MFN1: variants seen among roughly 807,000 people sequenced by gnomAD.
The protein encoded by MFN1 is mitofusin-1.
In MFN1, 65 loss-of-function variants were observed where a neutral mutation model predicts 92.4. That is an observed-to-expected ratio of 0.70 (90% confidence interval 0.58 to 0.86). MFN1 has a LOEUF of 0.86. Among genes scored for constraint, MFN1 ranks in the 40% least tolerant of loss-of-function variants. The pLI is 0.00. For synonymous variants in MFN1, 297 were observed against 300.9 expected, an observed-to-expected ratio of 0.99 and a Z score of 0.13; for missense variants, 781 against 868.0, an observed-to-expected ratio of 0.90 and a Z score of 1.26.
At chr3:179,367,818 G>A (rs1019406427) in intron 8 of MFN1, among the ~76,000 whole-genome samples, 1 of 151,642 alleles carries the variant, frequency 6.6e-6, no homozygotes, top group Admixed American at 6.6e-5. Flanking sequence ...AGCTTCTTGG[G>A]GGGCTGAGGC....
chr3:179,365,723 C>G (rs1277926089), intron 7 of MFN1, among the ~76,000 whole-genome samples: 1 of 152,164 alleles, frequency 6.6e-6, no homozygotes, highest in Non-Finnish European at 1.5e-5. Context: ...ACTTCTGACC[C>G]CCTAAATTAA....
At chr3:179,358,657 A>AT (rs1255190202) in intron 3 of MFN1, among the ~76,000 whole-genome samples, 183 bp from the exon 4 acceptor site, 2 of 152,148 alleles carry the variant, frequency 1.3e-5, no homozygotes, top group Non-Finnish European at 2.9e-5. Context: ...CTTGCACTTT[A>AT]TTTTTTCTGA....
At chr3:179,373,641 A>G (rs1713106701) in intron 9 of MFN1, among the ~76,000 whole-genome samples, 1 of 152,104 alleles carries the variant, frequency 6.6e-6, no homozygotes, top group Admixed American at 6.5e-5. Flanking sequence ...AAAATGAAAT[A>G]AGACAAATTG....
chr3:179,380,761 T>G (rs1334774738), intron 14 of MFN1, among the ~76,000 whole-genome samples: 2 of 152,122 alleles, frequency 1.3e-5, no homozygotes, highest in Non-Finnish European at 2.9e-5. Context: ...CAGAAGGAGT[T>G]TAGAATGAAA....
At chr3:179,374,205 A>G (rs886270727) in intron 9 of MFN1, among the ~76,000 whole-genome samples, 14 of 150,868 alleles carry the variant, frequency 9.3e-5, no homozygotes, top group Non-Finnish European at 2.1e-4. Context: ...TGGGAGGCTA[A>G]AGTAGGAGAA....
At chr3:179,371,839 A>G (rs963034741) in intron 9 of MFN1, among the ~76,000 whole-genome samples, 1 of 151,870 alleles carries the variant, frequency 6.6e-6, no homozygotes, top group Non-Finnish European at 1.5e-5. Context: ...TCTGAATACA[A>G]TTGTTTTGTG....
intron 14 of MFN1, among the ~76,000 whole-genome samples, chr3:179,381,641 A>G (rs1713470923): frequency 1.3e-5 from 2 of 152,254 alleles, no homozygotes; most frequent in Admixed American, 1.3e-4. Context: ...ATGCCAAACA[A>G]CCATAGAGTG....
chr3:179,390,058 A>T lies in MFN1; in HGVS notation c.2067A>T (p.Lys689Asn). Residue 689 changes from lysine to asparagine, a missense_variant, in exon 17 of 18, where the codon AAA (lysine) becomes AAT (asparagine). Lys to Asn is a moderately conservative substitution (Grantham distance 94). Coordinates refer to ENST00000471841, the MANE Select transcript of MFN1 (RefSeq NM_033540.3). ...RLCQQVDITQ[K>N]QLEEEIARLP... Reference sequence around the variant, plus strand: ...GCCAACAAGTTGATATTACTCAAAAACAGCTGGAAGAAGAAATTGCTAGAT... The same window carrying T: ...GCCAACAAGTTGATATTACTCAAAATCAGCTGGAAGAAGAAATTGCTAGAT... The T allele has an allele frequency of 6.9e-6, 11 of 1,605,796 alleles. No individual in the cohort carries two copies. Among genetic ancestry groups the T allele is most frequent in the Non-Finnish European group, 7.6e-6 (9 of 1,177,852 alleles).
At chr3:179,391,552 C>T (rs1713902123) in intron 17 of MFN1, among the ~76,000 whole-genome samples, 1 of 152,114 alleles carries the variant, frequency 6.6e-6, no homozygotes, top group African/African-American at 2.4e-5. Flanking sequence ...AGACCCTCCC[C>T]GTCCATAATG....
chr3:179,354,921 A>G (rs977860232), intron 3 of MFN1, among the ~76,000 whole-genome samples: 3 of 151,942 alleles, frequency 2.0e-5, no homozygotes, highest in African/African-American at 4.8e-5. Context: ...CAGCCTCCCT[A>G]TAGTAGCTGG....
chr3:179,357,037 A>G (rs1166102353), intron 3 of MFN1, among the ~76,000 whole-genome samples: 1 of 152,146 alleles, frequency 6.6e-6, no homozygotes, highest in African/African-American at 2.4e-5. Context: ...GAGTGAAGTC[A>G]TGGGACAGGG....
In MFN1 at chr3:179,393,690, A is replaced by G. The variant is rs77635511; in HGVS notation, c.*1631A>G. On this transcript the variant is annotated 3_prime_UTR_variant, in exon 18 of 18. Transcript: ENST00000471841. The stretch of plus-strand genomic sequence containing the variant: ...GTAAGTGGGATTAGGTAACAACTAC[A>G]ACATGGAAAAACAGTGTCTAAGATC... 5.3e-4 allele frequency: 80 copies of G among 152,376 alleles called. No individual in the cohort carries two copies. The highest frequency in any genetic ancestry group is 1.8e-3 in the African/African-American group (73 of 41,590). The allele number at this position is 152,376 out of a possible 1,614,324, so 9.4% of individuals were successfully genotyped here.
intron 3 of MFN1, among the ~76,000 whole-genome samples, chr3:179,354,126 G>A (rs1712258529): frequency 6.6e-6 from 1 of 152,228 alleles, no homozygotes; most frequent in Non-Finnish European, 1.5e-5. Context: ...CTTCAGATTA[G>A]GGTGGAGTAG....
At chr3:179,375,829 G>GTA (rs1713217422) in intron 10 of MFN1, among the ~76,000 whole-genome samples, 1 of 152,180 alleles carries the variant, frequency 6.6e-6, no homozygotes, top group African/African-American at 2.4e-5. Flanking sequence ...TTGGTAAGCA[G>GTA]TACCCTTTAT....
At position 179,392,317 on chromosome 3, in the gene MFN1, A is replaced by G; in HGVS notation, c.*258A>G. 3.5e-6 allele frequency: 1 copy of G among 284,698 alleles called. No homozygotes were observed. The highest frequency in any genetic ancestry group is 5.9e-5 in the East Asian group (1 of 16,946). 17.6% of individuals were successfully genotyped at this position (284,698 alleles called of 1,614,324 possible). Reference sequence around the variant, plus strand: ...ACAAGCAACAGTACCAACTTATGTGACCCCTGAGGGGTGGGGCTGTGAGCT... The same window carrying G: ...ACAAGCAACAGTACCAACTTATGTGGCCCCTGAGGGGTGGGGCTGTGAGCT... On this transcript the variant is annotated 3_prime_UTR_variant, in exon 18 of 18. Transcript: ENST00000471841.
rs1305491895 is a variant in MFN1 at position 179,351,945 on chromosome 3, A to G, written c.158A>G (p.Asp53Gly). The change falls in exon 3 of 18, where the codon GAT becomes GGT. Residue 53 changes from aspartate to glycine, a missense_variant. By Grantham distance (94) the Asp-to-Gly change is moderately conservative. Coordinates refer to ENST00000471841, the MANE Select transcript of MFN1 (RefSeq NM_033540.3). Reference protein sequence around the residue: ...PELDRIATEDDLVEMQGYKDK... With the variant: ...PELDRIATEDGLVEMQGYKDK... ...CTTGATCGAATAGCCACTGAAGATG[A>G]TCTGGTAGAAATGCAAGGATATAAA... 1.2e-6 allele frequency: 2 copies of G among 1,610,682 alleles called. No individual in the cohort carries two copies. The highest frequency in any genetic ancestry group is 1.7e-6 in the Non-Finnish European group (2 of 1,177,390).
intron 4 of MFN1, 34 bp from the exon 5 acceptor site, chr3:179,362,324 T>C (rs767774038): frequency 1.3e-5 from 20 of 1,540,792 alleles, no homozygotes; most frequent in Non-Finnish European, 1.7e-5. Context: ...TTATTACAAG[T>C]GGAGTTTATT....
intron 6 of MFN1, among the ~76,000 whole-genome samples, chr3:179,364,722 T>A (rs1000920556): frequency 6.6e-6 from 1 of 152,190 alleles, no homozygotes; most frequent in African/African-American, 2.4e-5. Flanking sequence ...AAACCACTCC[T>A]TCCTTCTGCC....
In MFN1 at chr3:179,375,437, T is replaced by C. The variant is rs1386524224; in HGVS notation, c.1097+96T>C. ...AAATTGTTGTACTATAAATACTTTT[T>C]ACACTGAAATCAACCTTGTGGGTTT... On this transcript the variant is annotated intron_variant, in intron 10 of 17. Transcript: ENST00000471841. The C allele has an allele frequency of 6.2e-6, 9 of 1,446,358 alleles. No homozygotes were observed. In the East Asian group the frequency reaches 2.1e-4, roughly 34 times the overall value. The allele number at this position is 1,446,358 out of a possible 1,614,324, so 89.6% of individuals were successfully genotyped here.
Sources: gnomAD v4.1 joint callset for allele counts (sites outside exome capture counted in the v4.1 genomes callset) on GRCh38, gnomAD v4.1.1 for gene constraint, MANE v1.5 for transcripts, NCBI Gene and HGNC (gene_info 2026-07-23, HGNC 2026-07-21) for gene names.